Variants in ITPR2 observed in about 807,000 individuals in gnomAD.
ITPR2 encodes inositol 1,4,5-trisphosphate-gated calcium channel ITPR2.
Under a neutral mutation model 317.1 loss-of-function variants are expected in ITPR2, and 207 were observed. The ratio of observed to expected loss-of-function variants is 0.65; its 90% CI spans 0.58 to 0.73. The LOEUF is 0.73. Among genes scored for constraint, ITPR2 ranks in the 30% least tolerant of loss-of-function variants. The probability of loss-of-function intolerance (pLI) is 0.00; values close to 1 mark genes in which losing one functional copy is unlikely to be tolerated. For synonymous variants in ITPR2, 1,156 were observed against 1,149.1 expected (o/e 1.01, Z -0.12); for missense variants, 2,613 against 3,284.0 (o/e 0.80, Z 4.99).
chr12:26,620,899 G>C (rs1311340936), intron 26 of ITPR2, among the ~76,000 whole-genome samples: 2 of 152,134 alleles, frequency 1.3e-5, no homozygotes, highest in Non-Finnish European at 2.9e-5. Flanking sequence ...ATGACAAAGA[G>C]TGAAACACTA....
At chr12:26,475,174 A>C (rs1942388875) in intron 45 of ITPR2, 122 bp downstream of exon 45, 1 of 1,137,550 alleles carries the variant, frequency 8.8e-7, no homozygotes, top group Non-Finnish European at 1.3e-6. Context: ...TCTTTAGCCC[A>C]AACCTAGGAT....
At chr12:26,705,263 A>G (rs2137009912) in intron 9 of ITPR2, among the ~76,000 whole-genome samples, 1 of 152,228 alleles carries the variant, frequency 6.6e-6, no homozygotes, top group South Asian at 2.1e-4. Flanking sequence ...GGTTTCCACT[A>G]AAAATTTTCC....
intron 34 of ITPR2, among the ~76,000 whole-genome samples, chr12:26,568,805 C>T (rs943685429): frequency 6.6e-6 from 1 of 152,162 alleles, no homozygotes; most frequent in Non-Finnish European, 1.5e-5. Flanking sequence ...TTTCCTGTAT[C>T]ATGTCAAAGG....
At chr12:26,572,998 TTTA>T (rs1384508552) in intron 34 of ITPR2, among the ~76,000 whole-genome samples, 1 of 129,662 alleles carries the variant, frequency 7.7e-6, no homozygotes, top group African/African-American at 3.1e-5. Context: ...TTGGATTTCA[TTTA>T]TTTATTTATT....
chr12:26,348,863 C>T (rs532078277), intron 55 of ITPR2, among the ~76,000 whole-genome samples: 1 of 152,036 alleles, frequency 6.6e-6, no homozygotes, highest in Admixed American at 6.5e-5. Context: ...TGGTGCACAC[C>T]TATAGTCCAT....
intron 1 of ITPR2, among the ~76,000 whole-genome samples, chr12:26,823,407 A>G (rs1950967514): frequency 6.6e-6 from 1 of 152,218 alleles, no homozygotes; most frequent in African/African-American, 2.4e-5. Context: ...ATCCTAGCCA[A>G]GAGTCATACT....
chr12:26,784,447 C>G (rs1950171053), intron 2 of ITPR2, among the ~76,000 whole-genome samples: 2 of 150,738 alleles, frequency 1.3e-5, no homozygotes, highest in Non-Finnish European at 3.0e-5. Flanking sequence ...CTGCAGCCTC[C>G]CTGCCTGATT....
At chr12:26,516,962 G>T (rs554452004) in intron 37 of ITPR2, among the ~76,000 whole-genome samples, 1 of 152,176 alleles carries the variant, frequency 6.6e-6, no homozygotes, top group Non-Finnish European at 1.5e-5. Context: ...AAAAGAAATG[G>T]AAGTTAACAA....
chr12:26,601,132 A>G (rs1319604490), intron 28 of ITPR2, among the ~76,000 whole-genome samples: 1 of 152,226 alleles, frequency 6.6e-6, no homozygotes, highest in Non-Finnish European at 1.5e-5. Flanking sequence ...TGGTCTTGTG[A>G]CAACATCAGT....
intron 44 of ITPR2, 40 bp downstream of exon 44, chr12:26,476,872 G>T: frequency 1.4e-6 from 2 of 1,380,276 alleles, no homozygotes; most frequent in Non-Finnish European, 1.0e-6. Flanking sequence ...TTTCCTTTTA[G>T]GCTACCCAAT....
Position 26,754,586 on chromosome 12 carries a change from A to G in ITPR2, c.164-28821T>C, listed in dbSNP as rs1949487659. On this transcript the variant is annotated intron_variant, in intron 2 of 56. Coordinates refer to ENST00000381340, the MANE Select transcript of ITPR2 (RefSeq NM_002223.4). Reference sequence around the variant, plus strand: ...TTTTGGTAAAAGATTATAAGAAGCCATGGGAATGTGGATTTTTTTTGCCTA... The same window carrying G: ...TTTTGGTAAAAGATTATAAGAAGCCGTGGGAATGTGGATTTTTTTTGCCTA... 2.6e-5 allele frequency among the ~76,000 whole-genome samples: 4 copies of G among 152,232 alleles called. No individual in the cohort carries two copies. The South Asian group carries it at 8.3e-4, about 32-fold the overall frequency.
chr12:26,383,727 A>T (rs1939586329), intron 55 of ITPR2, among the ~76,000 whole-genome samples: 1 of 148,968 alleles, frequency 6.7e-6, no homozygotes, highest in Non-Finnish European at 1.5e-5. Context: ...CAATCTCCTG[A>T]CCTCATGATC....
chr12:26,441,774 AGCATTCTCATACATG>A (rs949054873), intron 46 of ITPR2, among the ~76,000 whole-genome samples: 4 of 152,166 alleles, frequency 2.6e-5, no homozygotes, highest in Admixed American at 6.6e-5. Flanking sequence ...ACTCTCTCCT[AGCATTCTCATACATG>A]GCACCAACTT....
intron 2 of ITPR2, among the ~76,000 whole-genome samples, chr12:26,739,310 C>T (rs1949189537): frequency 6.6e-6 from 1 of 152,274 alleles, no homozygotes; most frequent in South Asian, 2.1e-4. Context: ...AAGATGTCTA[C>T]CCAAGAGAAT....
intron 13 of ITPR2, 84 bp from the exon 14 acceptor site, chr12:26,666,135 G>GAGATAGATAGATAGAT (rs71437306): frequency 0.024 from 9,737 of 411,242 alleles, 303 homozygotes; most frequent in African/African-American, 0.087. Context: ...TAGGTAGGTA[G>GAGATAGATAGATAGAT]AGATAGATAG....
intron 12 of ITPR2, 76 bp downstream of exon 12, chr12:26,682,498 G>T: frequency 1.2e-6 from 1 of 864,180 alleles, no homozygotes; most frequent in Non-Finnish European, 1.9e-6. Context: ...AGGAACATGT[G>T]TCACACAGCA....
chr12:26,781,236 T>C (rs1016392979), intron 2 of ITPR2, among the ~76,000 whole-genome samples: 3 of 152,126 alleles, frequency 2.0e-5, no homozygotes, highest in African/African-American at 4.8e-5. Context: ...AGAAGGAATA[T>C]AGAATGGGTA....
At chr12:26,733,605 C>A (rs977425397) in intron 2 of ITPR2, among the ~76,000 whole-genome samples, 1 of 152,132 alleles carries the variant, frequency 6.6e-6, no homozygotes, top group Non-Finnish European at 1.5e-5. Flanking sequence ...TTGCCTGATT[C>A]ATACACTAAT....
intron 22 of ITPR2, 84 bp downstream of exon 22, chr12:26,631,782 A>G: frequency 8.6e-7 from 1 of 1,168,050 alleles, no homozygotes; most frequent in South Asian, 1.4e-5. Flanking sequence ...ATATTTACAC[A>G]GTGATTTGGA....
Sources: gnomAD v4.1 joint callset for allele counts (sites outside exome capture counted in the v4.1 genomes callset) on GRCh38, gnomAD v4.1.1 for gene constraint, MANE v1.5 for transcripts, NCBI Gene and HGNC (gene_info 2026-07-23, HGNC 2026-07-21) for gene names.